The following KIAA1549L variants were observed in gnomAD, a reference collection of about 807,000 sequenced individuals.
The protein encoded by KIAA1549L is KIAA1549 like.
A neutral mutation model predicts 160.7 loss-of-function variants in KIAA1549L; 88 were observed. The observed-to-expected ratio is 0.55, with a 90% CI of 0.46 to 0.65. The LOEUF is 0.65. KIAA1549L is among the 30% of genes least tolerant of loss of function. The pLI, the probability that KIAA1549L is intolerant of heterozygous loss-of-function variation, is 0.00. For synonymous variants in KIAA1549L, 950 were observed against 976.7 expected (o/e 0.97, Z 0.51); for missense variants, 2,258 against 2,437.5 (o/e 0.93, Z 1.55).
At chr11:33,435,816 G>GTGTGTATATATATATATATATA (rs1554976827) in intron 1 of KIAA1549L, among the ~76,000 whole-genome samples, 1 of 39,564 alleles carries the variant, frequency 2.5e-5, no homozygotes. Flanking sequence ...ATATATGTGT[G>GTGTGTATATATATATATATATA]TGTATATATA....
Position 33,574,800 on chromosome 11 carries a change from C to G in KIAA1549L, c.4329C>G (p.Ala1443=), listed in dbSNP as rs1855391063. 6.2e-7 allele frequency: 1 copy of G among 1,614,000 alleles called. No individual in the cohort carries two copies. The highest frequency in any genetic ancestry group is 8.5e-7 in the Non-Finnish European group (1 of 1,179,866). ...AGCCTTTGTTGGGGACCGCAGCTGC[C>G]AAGATCCTGAGCACCATTGATTCCC... ...NGKPLLGTAA[A]KILSTIDSQR... is the part of the protein sequence containing the mutation. Residue 1443 remains alanine, a synonymous_variant, in exon 10 of 21, where the codon GCC becomes GCG. Transcript: ENST00000658780.
chr11:33,515,489 A>G (rs895762528), intron 1 of KIAA1549L, among the ~76,000 whole-genome samples: 25 of 152,364 alleles, frequency 1.6e-4, no homozygotes, highest in South Asian at 6.2e-4. Flanking sequence ...TCATATGACC[A>G]GCAGTCTGCG....
At chr11:33,422,191 C>CA (rs1851026795) in intron 1 of KIAA1549L, among the ~76,000 whole-genome samples, 1 of 151,806 alleles carries the variant, frequency 6.6e-6, no homozygotes, top group Non-Finnish European at 1.5e-5. Flanking sequence ...GCCCAGGATC[C>CA]ACACTTTCGA....
intron 1 of KIAA1549L, among the ~76,000 whole-genome samples, chr11:33,378,556 C>T (rs771699697): frequency 2.5e-4 from 38 of 152,158 alleles, no homozygotes; most frequent in Non-Finnish European, 5.1e-4. Context: ...GCTTTGATTA[C>T]AATGATGGTA....
At chr11:33,500,735 A>C (rs1001784376) in intron 1 of KIAA1549L, among the ~76,000 whole-genome samples, 1 of 152,228 alleles carries the variant, frequency 6.6e-6, no homozygotes, top group Non-Finnish European at 1.5e-5. Context: ...TGATCACTAC[A>C]TATTGTATAC....
intron 10 of KIAA1549L, among the ~76,000 whole-genome samples, chr11:33,580,603 A>G (rs919524536): frequency 1.6e-5 from 2 of 128,772 alleles, no homozygotes; most frequent in Non-Finnish European, 3.0e-5. Flanking sequence ...AAAAGAAAAG[A>G]AAAAAAAAGC....
intron 1 of KIAA1549L, among the ~76,000 whole-genome samples, chr11:33,456,467 A>G (rs1851823763): frequency 6.6e-6 from 1 of 152,040 alleles, no homozygotes; most frequent in Admixed American, 6.5e-5. Context: ...CTGGGGTATG[A>G]TGGCGCGATC....
chr11:33,637,161 G>A (rs1301124300), intron 16 of KIAA1549L, among the ~76,000 whole-genome samples: 1 of 152,196 alleles, frequency 6.6e-6, no homozygotes, highest in Non-Finnish European at 1.5e-5. Context: ...TTGGTAAAGA[G>A]TCTTGGCTTC....
chr11:33,553,121 A>G (rs1854523706), intron 6 of KIAA1549L, among the ~76,000 whole-genome samples: 1 of 152,178 alleles, frequency 6.6e-6, no homozygotes, highest in Non-Finnish European at 1.5e-5. Flanking sequence ...AGGATTTTAG[A>G]TGCTCTAAAC....
chr11:33,507,713 C>G (rs1277199472), intron 1 of KIAA1549L, among the ~76,000 whole-genome samples: 1 of 152,210 alleles, frequency 6.6e-6, no homozygotes, highest in African/African-American at 2.4e-5. Context: ...GATATGTATA[C>G]AGTACCCCGA....
At chr11:33,475,548 CCTGTCT>C (rs1852266720) in intron 1 of KIAA1549L, among the ~76,000 whole-genome samples, 2 of 150,482 alleles carry the variant, frequency 1.3e-5, no homozygotes, top group African/African-American at 4.9e-5. Flanking sequence ...AGAGTGAGAT[CCTGTCT>C]CTTTAAAAAA....
intron 1 of KIAA1549L, among the ~76,000 whole-genome samples, chr11:33,435,786 A>ATGTGTGTGTG (rs1287703565): frequency 4.7e-4 from 9 of 18,968 alleles, no homozygotes; most frequent in South Asian, 1.8e-3. Flanking sequence ...ATATATATAT[A>ATGTGTGTGTG]TATATATATA....
At chr11:33,399,609 T>G (rs1850456860) in intron 1 of KIAA1549L, among the ~76,000 whole-genome samples, 1 of 152,184 alleles carries the variant, frequency 6.6e-6, no homozygotes, top group African/African-American at 2.4e-5. Context: ...AGGGCCATGG[T>G]TCTGAATCCC....
chr11:33,519,578 G>T (rs1334164610), intron 1 of KIAA1549L, among the ~76,000 whole-genome samples: 2 of 152,262 alleles, frequency 1.3e-5, no homozygotes, highest in African/African-American at 4.8e-5. Context: ...TCATCTTGAG[G>T]GTAGGTAGTA....
At chr11:33,628,504 T>G (rs1467901156) in intron 16 of KIAA1549L, among the ~76,000 whole-genome samples, 1 of 150,314 alleles carries the variant, frequency 6.7e-6, no homozygotes, top group Non-Finnish European at 1.5e-5. Flanking sequence ...GATAGTTAGC[T>G]CTTCTTGTTG....
chr11:33,613,460 C>T lies in KIAA1549L; in HGVS notation c.5279+3494C>T, dbSNP rs572900429. 7.3e-4 allele frequency among the ~76,000 whole-genome samples: 111 copies of T among 152,308 alleles called. No individual in the cohort carries two copies. In the Middle Eastern group the frequency reaches 0.01, roughly 14 times the overall value. Reference sequence around the variant, plus strand: ...AAAGAGGTTTAATTGGCTCACAGTTCTGCAGGCTGTGGAAGCAAAGCACCA... The same window carrying T: ...AAAGAGGTTTAATTGGCTCACAGTTTTGCAGGCTGTGGAAGCAAAGCACCA... On this transcript the variant is annotated intron_variant, in intron 15 of 20. Coordinates refer to ENST00000658780, the MANE Select transcript of KIAA1549L (RefSeq NM_012194.3).
In KIAA1549L at chr11:33,658,403, C is replaced by T. The variant is rs2133440424; in HGVS notation, c.5859-347C>T. Among the ~76,000 whole-genome samples, 2 of 152,276 alleles carry T rather than the reference C, an allele frequency of 1.3e-5. 1 individual carries two copies. Among genetic ancestry groups the T allele is most frequent in the South Asian group, 4.2e-4 (2 of 4,818 alleles). On this transcript the variant is annotated intron_variant, in intron 18 of 20. Transcript: ENST00000658780. The stretch of plus-strand genomic sequence containing the variant: ...TGATGTCATCACCCCCTGGGTCGAC[C>T]ATCCCCAGCTAATACCCAAGGCTAA...
At chr11:33,630,914 G>T (rs7121371) in intron 16 of KIAA1549L, among the ~76,000 whole-genome samples, 1 of 152,148 alleles carries the variant, frequency 6.6e-6, no homozygotes, top group East Asian at 1.9e-4. Flanking sequence ...GTATCAACCC[G>T]TGTGAGGCTC....
At chr11:33,387,707 C>G (rs1196948128) in intron 1 of KIAA1549L, among the ~76,000 whole-genome samples, 1 of 152,188 alleles carries the variant, frequency 6.6e-6, no homozygotes, top group Non-Finnish European at 1.5e-5. Context: ...ATTCAGGAGA[C>G]TGAGGTCACC....
Sources: allele counts gnomAD v4.1 joint callset (sites outside exome capture counted in the v4.1 genomes callset), GRCh38; gene constraint gnomAD v4.1.1; transcripts MANE v1.5; gene names NCBI Gene and HGNC (gene_info 2026-07-23, HGNC 2026-07-21).